The following PARD3B variants were observed in gnomAD, a reference collection of about 807,000 sequenced individuals.
PARD3B encodes the protein par-3 family cell polarity regulator beta.
Under a neutral mutation model 130.2 loss-of-function variants are expected in PARD3B, and 103 were observed. The observed-to-expected ratio is 0.79, with a 90% CI of 0.67 to 0.93. The LOEUF (loss-of-function observed/expected upper bound fraction) is 0.93. PARD3B is among the 40% of genes least tolerant of loss of function. The pLI, the probability that PARD3B is intolerant of heterozygous loss-of-function variation, is 0.00. For synonymous variants in PARD3B, 583 were observed against 553.2 expected (o/e 1.05, Z -0.76); for missense variants, 1,609 against 1,499.2 (o/e 1.07, Z -1.21).
intron 2 of PARD3B, among the ~76,000 whole-genome samples, chr2:204,690,262 T>G (rs778788430): frequency 1.3e-5 from 2 of 152,144 alleles, no homozygotes; most frequent in African/African-American, 2.4e-5. Flanking sequence ...AGTAACTACT[T>G]TTTTGCACCA....
At chr2:205,464,736 G>A (rs1210388048) in intron 20 of PARD3B, among the ~76,000 whole-genome samples, 1 of 152,118 alleles carries the variant, frequency 6.6e-6, no homozygotes, top group Admixed American at 6.5e-5. Flanking sequence ...AATCACACAG[G>A]CCAGATAGTT....
intron 15 of PARD3B, among the ~76,000 whole-genome samples, chr2:205,206,719 T>G (rs1574388547): frequency 6.6e-6 from 1 of 152,258 alleles, no homozygotes; most frequent in East Asian, 1.9e-4. Context: ...TATAGTCCTT[T>G]GGGTATATAC....
intron 15 of PARD3B, among the ~76,000 whole-genome samples, chr2:205,193,522 G>A (rs574724837): frequency 1.3e-5 from 2 of 152,340 alleles, no homozygotes; most frequent in African/African-American, 4.8e-5. Context: ...ACAAAGAGAA[G>A]TGATTTATTT....
intron 4 of PARD3B, among the ~76,000 whole-genome samples, chr2:205,050,557 T>C (rs1286369505): frequency 6.6e-6 from 1 of 152,128 alleles, no homozygotes; most frequent in Non-Finnish European, 1.5e-5. Context: ...ACTTAAAATT[T>C]AATATACACA....
rs1297410628 is a variant in PARD3B, at chr2:205,590,567, G to A, written c.3261-24889G>A. Among the ~76,000 whole-genome samples, 2 of 152,202 alleles carry A rather than the reference G, an allele frequency of 1.3e-5. No individual in the cohort carries two copies. The highest frequency in any genetic ancestry group is 4.8e-5 in the African/African-American group (2 of 41,452). ...GTCACATGCCCCTCTGGAGTCCAGAGTGGAGTCATTCCACCTGAACCACAT... is the reference window on the plus strand; with the variant it reads ...GTCACATGCCCCTCTGGAGTCCAGAATGGAGTCATTCCACCTGAACCACAT... On this transcript the variant is annotated intron_variant, in intron 22 of 22. Transcript: ENST00000406610. This position sits in a 1 kb window ranked among gnomAD's most constrained non-coding sequence, Gnocchi z 4.1.
At chr2:205,418,600 C>A (rs2106082863) in intron 19 of PARD3B, among the ~76,000 whole-genome samples, 1 of 152,220 alleles carries the variant, frequency 6.6e-6, no homozygotes, top group South Asian at 2.1e-4. Flanking sequence ...CAGACACTTG[C>A]AATGAAATCA....
intron 15 of PARD3B, among the ~76,000 whole-genome samples, chr2:205,216,903 C>G (rs898916871): frequency 6.6e-6 from 1 of 152,054 alleles, no homozygotes; most frequent in Non-Finnish European, 1.5e-5. Flanking sequence ...TACCAGAGGC[C>G]TAGGCTCCTT....
chr2:205,446,231 G>A lies in PARD3B; in HGVS notation c.3044+5559G>A, dbSNP rs938515988. On this transcript the variant is annotated intron_variant, in intron 20 of 22. Transcript: ENST00000406610. This position sits in a 1 kb window ranked among gnomAD's most constrained non-coding sequence, Gnocchi z 4.4. ...TGACCAAAGGCAGATGAGAGAGGTT[G>A]GCCGGCCTTGACGAAGAGTTTGGAC... Among the ~76,000 whole-genome samples the A allele has an allele frequency of 6.6e-6, 1 of 152,156 alleles. No individual in the cohort carries two copies. Among genetic ancestry groups the A allele is most frequent in the Admixed American group, 6.5e-5 (1 of 15,274 alleles).
At chr2:204,965,368 C>A (rs780320902) in intron 3 of PARD3B, 45 bp downstream of exon 3, 2 of 1,555,276 alleles carry the variant, frequency 1.3e-6, no homozygotes, top group South Asian at 2.3e-5. Context: ...ACTGAAGATC[C>A]GTCATCTTGT....
At chr2:204,555,035 G>T (rs979667465) in intron 1 of PARD3B, among the ~76,000 whole-genome samples, 1 of 152,182 alleles carries the variant, frequency 6.6e-6, no homozygotes, top group South Asian at 2.1e-4. Context: ...TAAGCAGAAG[G>T]TGCCTATGTG....
chr2:205,509,436 C>G (rs573584442), intron 21 of PARD3B, among the ~76,000 whole-genome samples: 1 of 152,144 alleles, frequency 6.6e-6, no homozygotes, highest in South Asian at 2.1e-4. Context: ...GCTCCAGATT[C>G]CCTGACCATT....
chr2:204,678,943 T>C lies in PARD3B; in HGVS notation c.121-7238T>C, dbSNP rs1331163880. On this transcript the variant is annotated intron_variant, in intron 1 of 22. Coordinates refer to ENST00000406610, the MANE Select transcript of PARD3B (RefSeq NM_001302769.2). This position sits in a 1 kb window ranked among gnomAD's most constrained non-coding sequence, Gnocchi z 4.2. ...GCCCTAGAAGCCGCTTCATGCCTCTTTCTACTCACCACCCTTCCCCCTCAC... is the reference window on the plus strand; with the variant it reads ...GCCCTAGAAGCCGCTTCATGCCTCTCTCTACTCACCACCCTTCCCCCTCAC... 1.3e-5 allele frequency among the ~76,000 whole-genome samples: 2 copies of C among 152,174 alleles called. No homozygotes were observed. The highest frequency in any genetic ancestry group is 2.9e-5 in the Non-Finnish European group (2 of 68,036).
At chr2:205,504,493 A>C (rs1443091044) in intron 21 of PARD3B, among the ~76,000 whole-genome samples, 2 of 152,230 alleles carry the variant, frequency 1.3e-5, no homozygotes, top group Non-Finnish European at 2.9e-5. Flanking sequence ...CAATCTACTC[A>C]TCTGACAAAG....
At chr2:205,587,287 G>A (rs1361562421) in intron 22 of PARD3B, among the ~76,000 whole-genome samples, 1 of 152,184 alleles carries the variant, frequency 6.6e-6, no homozygotes, top group Non-Finnish European at 1.5e-5. Context: ...TATTTGCGGT[G>A]TAGATTCGGT....
intron 10 of PARD3B, among the ~76,000 whole-genome samples, chr2:205,129,494 T>C (rs1270730924): frequency 6.6e-6 from 1 of 152,232 alleles, no homozygotes; most frequent in Non-Finnish European, 1.5e-5. Context: ...TTTGGTCTCT[T>C]CTTCCTTATC....
At chr2:204,816,631 C>T (rs1328495106) in intron 2 of PARD3B, among the ~76,000 whole-genome samples, 1 of 151,560 alleles carries the variant, frequency 6.6e-6, no homozygotes, top group African/African-American at 2.4e-5. Flanking sequence ...CTTTGTTCCT[C>T]TGCAAAAAAA....
chr2:204,799,350 A>T lies in PARD3B; in HGVS notation c.222+113068A>T, dbSNP rs1046312260. Among the ~76,000 whole-genome samples, 13 of 152,338 alleles carry T rather than the reference A, an allele frequency of 8.5e-5. No individual in the cohort carries two copies. Among genetic ancestry groups the T allele is most frequent in the African/African-American group, 3.1e-4 (13 of 41,590 alleles). Reference sequence around the variant, plus strand: ...GTGGCTTGAATGCCAGCACAGCTGCAGTAGAATAGAGCACCAGGTAGATTC... The same window carrying T: ...GTGGCTTGAATGCCAGCACAGCTGCTGTAGAATAGAGCACCAGGTAGATTC... On this transcript the variant is annotated intron_variant, in intron 2 of 22. Transcript: ENST00000406610. The surrounding 1 kb of genome is among the most constrained non-coding windows in gnomAD (Gnocchi z 4.1).
rs1188969852 is a variant in PARD3B, at chr2:205,291,503, T to A, written c.2186-9027T>A. Among the ~76,000 whole-genome samples the A allele has an allele frequency of 2.0e-5, 3 of 152,344 alleles. No homozygotes were observed. The East Asian group carries it at 5.8e-4, about 29-fold the overall frequency. ...AGAACTTTGCTGAAGTGTGTTGTTC[T>A]GGTGTATTATGGAAGGTAGAACTTG... On this transcript the variant is annotated intron_variant, in intron 16 of 22. Transcript: ENST00000406610. The surrounding 1 kb of genome is among the most constrained non-coding windows in gnomAD (Gnocchi z 4.6).
chr2:205,597,904 T>C (rs2054628645), intron 22 of PARD3B, among the ~76,000 whole-genome samples: 1 of 151,980 alleles, frequency 6.6e-6, no homozygotes, highest in African/African-American at 2.4e-5. Flanking sequence ...GATGGAGAAA[T>C]AAAATCCTTT....
Sources: gnomAD v4.1 joint callset for allele counts (sites outside exome capture counted in the v4.1 genomes callset) on GRCh38, gnomAD v4.1.1 for gene constraint, Gnocchi (gnomAD v3.1) non-coding constraint, MANE v1.5 for transcripts, NCBI Gene and HGNC (gene_info 2026-07-23, HGNC 2026-07-21) for gene names.